Variants in RTL4 observed in about 807,000 individuals in gnomAD.
The protein encoded by RTL4 is retrotransposon Gag-like protein 4.
RTL4 carries 4 observed loss-of-function variants against 5.3 expected under a neutral mutation model. The ratio of observed to expected loss-of-function variants is 0.75; its 90% CI spans 0.37 to 1.72. The LOEUF (loss-of-function observed/expected upper bound fraction) is 1.72, where lower values mean the gene tolerates loss of function less well. RTL4 is among the 40% of genes most tolerant of loss of function. The pLI is 0.04. For missense variants in RTL4, 260 were observed against 227.1 expected (o/e 1.14, Z -0.93); for synonymous variants, 98 against 87.3 (o/e 1.12, Z -0.68).
chrX:112,268,849 A>T, the RTL4 span, among the ~76,000 whole-genome samples: 1 of 111,634 alleles, frequency 9.0e-6, no homozygotes, highest in Non-Finnish European at 1.9e-5. Flanking sequence ...TATCTTTTCT[A>T]CCTCTACTGC....
the RTL4 span, among the ~76,000 whole-genome samples, chrX:112,380,239 C>T: frequency 9.1e-6 from 1 of 109,626 alleles, no homozygotes; most frequent in Non-Finnish European, 1.9e-5. Context: ...CTCCGCCTCC[C>T]GGGTTCACGC....
chrX:112,204,227 G>A, the RTL4 span, among the ~76,000 whole-genome samples: 1 of 112,214 alleles, frequency 8.9e-6, no homozygotes, highest in Non-Finnish European at 1.9e-5. Flanking sequence ...CTGTTGGTGG[G>A]AATGTACAAC....
At chrX:112,158,093 T>C in the RTL4 span, among the ~76,000 whole-genome samples, 1 of 110,362 alleles carries the variant, frequency 9.1e-6, no homozygotes, top group African/African-American at 3.3e-5. Flanking sequence ...GCTTCCTAGG[T>C]GGCTGTGTAG....
the RTL4 span, chrX:112,381,748 A>G: frequency 1.7e-6 from 2 of 1,198,593 alleles, no homozygotes; most frequent in African/African-American, 3.5e-5. Context: ...AGCAGGAGAA[A>G]GAAATACAGA....
the RTL4 span, among the ~76,000 whole-genome samples, chrX:112,311,579 C>A: frequency 9.0e-6 from 1 of 111,131 alleles, no homozygotes; most frequent in African/African-American, 3.3e-5. Context: ...TCCCTCCTCC[C>A]CTGCCTGCTG....
the RTL4 span, among the ~76,000 whole-genome samples, chrX:112,225,713 C>T: frequency 1.8e-5 from 2 of 111,461 alleles, no homozygotes; most frequent in Admixed American, 1.9e-4. Flanking sequence ...AGGAAGGAGA[C>T]CCAGGAATAC....
At chrX:112,269,470 AAG>A in the RTL4 span, among the ~76,000 whole-genome samples, 1 of 111,702 alleles carries the variant, frequency 9.0e-6, no homozygotes, top group African/African-American at 3.3e-5. Context: ...GGGTAAAAAA[AAG>A]AGGAGAAACT....
chrX:112,308,306 G>A, the RTL4 span, among the ~76,000 whole-genome samples: 1 of 111,145 alleles, frequency 9.0e-6, no homozygotes, highest in South Asian at 3.8e-4. Context: ...GTTGAGTCTG[G>A]TAACTTTAAA....
the RTL4 span, among the ~76,000 whole-genome samples, chrX:112,226,971 T>TAA: frequency 4.0e-4 from 30 of 74,918 alleles, no homozygotes; most frequent in African/African-American, 1.1e-3. Context: ...TAAAATAAAA[T>TAA]AATAAAATAA....
the RTL4 span, among the ~76,000 whole-genome samples, chrX:112,145,329 G>C: frequency 9.0e-6 from 1 of 111,633 alleles, no homozygotes; most frequent in Non-Finnish European, 1.9e-5. Flanking sequence ...ATTCACCAGA[G>C]TGAATTAATG....
the RTL4 span, among the ~76,000 whole-genome samples, chrX:112,343,851 C>A: frequency 9.0e-6 from 1 of 111,589 alleles, no homozygotes; most frequent in Non-Finnish European, 1.9e-5. Flanking sequence ...CTTTCATATT[C>A]TTGATTTTTT....
chrX:112,329,328 T>C, the RTL4 span, among the ~76,000 whole-genome samples: 1 of 110,746 alleles, frequency 9.0e-6, no homozygotes, highest in Non-Finnish European at 1.9e-5. Flanking sequence ...AAAGGGGATA[T>C]CACCACCGAT....
At chrX:112,293,002 T>TTCCA in the RTL4 span, among the ~76,000 whole-genome samples, 1 of 111,954 alleles carries the variant, frequency 8.9e-6, no homozygotes, top group African/African-American at 3.2e-5. Flanking sequence ...TTCTGAAAGC[T>TTCCA]TCCATCCAAA....
the RTL4 span, among the ~76,000 whole-genome samples, chrX:112,271,683 A>G: frequency 8.9e-6 from 1 of 112,183 alleles, no homozygotes; most frequent in Non-Finnish European, 1.9e-5. Flanking sequence ...TAAAAATTGT[A>G]TATATTTAAA....
chrX:112,221,415 G>T, the RTL4 span, among the ~76,000 whole-genome samples: 2 of 111,170 alleles, frequency 1.8e-5, no homozygotes, highest in Non-Finnish European at 3.8e-5. Context: ...GAGGTATTTG[G>T]TATCAGCATC....
the RTL4 span, among the ~76,000 whole-genome samples, chrX:112,430,886 C>A: frequency 8.9e-6 from 1 of 112,344 alleles, no homozygotes; most frequent in East Asian, 2.8e-4. Flanking sequence ...AGCCACCATG[C>A]CCATATCTTT....
At chrX:112,126,804 C>T in the RTL4 span, among the ~76,000 whole-genome samples, 2 of 111,565 alleles carry the variant, frequency 1.8e-5, no homozygotes, top group Non-Finnish European at 3.8e-5. Flanking sequence ...ATTAGATAAC[C>T]TAGATGAAAT....
At chrX:112,228,738 G>A in the RTL4 span, among the ~76,000 whole-genome samples, 1 of 111,724 alleles carries the variant, frequency 9.0e-6, no homozygotes, top group African/African-American at 3.3e-5. Flanking sequence ...CTGTTTCTAT[G>A]AGTTCATTTT....
chrX:112,227,142 G>A, the RTL4 span, among the ~76,000 whole-genome samples: 1 of 110,623 alleles, frequency 9.0e-6, no homozygotes, highest in East Asian at 2.9e-4. Flanking sequence ...CTTTGGTCAG[G>A]GCTGCCAGCA....
Sources: allele counts gnomAD v4.1 joint callset (sites outside exome capture counted in the v4.1 genomes callset), GRCh38; gene constraint gnomAD v4.1.1; transcripts MANE v1.5; gene names NCBI Gene and HGNC (gene_info 2026-07-23, HGNC 2026-07-21).